KCNIP4: variants seen among roughly 807,000 people sequenced by gnomAD.
KCNIP4 encodes Kv channel-interacting protein 4.
In KCNIP4, 12 loss-of-function variants were observed where a neutral mutation model predicts 34.0. That is an observed-to-expected ratio of 0.35 (90% confidence interval 0.23 to 0.57). The LOEUF (loss-of-function observed/expected upper bound fraction) is 0.57. KCNIP4 is among the 20% of genes least tolerant of loss of function. The pLI is 0.83. For missense variants in KCNIP4, 238 were observed against 311.7 expected, an observed-to-expected ratio of 0.76 and a Z score of 1.78; for synonymous variants, 124 against 102.2, an observed-to-expected ratio of 1.21 and a Z score of -1.29.
At chr4:20,954,673 T>A (rs1482727057) in intron 1 of KCNIP4, among the ~76,000 whole-genome samples, 1 of 152,192 alleles carries the variant, frequency 6.6e-6, no homozygotes, top group Admixed American at 6.5e-5. Context: ...ATGCCCATAC[T>A]TCTGGCAGAT....
intron 1 of KCNIP4, among the ~76,000 whole-genome samples, chr4:21,385,560 A>G (rs963475183): frequency 6.6e-6 from 1 of 152,206 alleles, no homozygotes; most frequent in Non-Finnish European, 1.5e-5. Context: ...CTTAATCTCC[A>G]TAAGCGATCA....
intron 1 of KCNIP4, among the ~76,000 whole-genome samples, chr4:21,842,056 G>GT (rs1723719152): frequency 6.6e-6 from 1 of 152,108 alleles, no homozygotes; most frequent in East Asian, 1.9e-4. Context: ...GGCAGAACCT[G>GT]TAAGTGCTGA....
chr4:21,197,539 T>C (rs952285997), intron 1 of KCNIP4, among the ~76,000 whole-genome samples: 3 of 152,170 alleles, frequency 2.0e-5, no homozygotes, highest in African/African-American at 7.2e-5. Context: ...GACCAAGATT[T>C]CAGAGTCTGA....
intron 1 of KCNIP4, among the ~76,000 whole-genome samples, chr4:21,785,068 A>T (rs1287826302): frequency 6.6e-6 from 1 of 152,156 alleles, no homozygotes; most frequent in Non-Finnish European, 1.5e-5. Flanking sequence ...TACAGCAGTA[A>T]AGATTGGTTA....
At chr4:21,883,164 T>G (rs1423627014) in intron 1 of KCNIP4, among the ~76,000 whole-genome samples, 2 of 151,338 alleles carry the variant, frequency 1.3e-5, no homozygotes, top group South Asian at 2.1e-4. Context: ...TTGTTGTTTT[T>G]TTTTTTTTTT....
At chr4:20,997,867 C>T (rs1429791671) in intron 1 of KCNIP4, among the ~76,000 whole-genome samples, 1 of 152,160 alleles carries the variant, frequency 6.6e-6, no homozygotes, top group Non-Finnish European at 1.5e-5. Context: ...CTTGAAGGGC[C>T]ATACAGCTGC....
chr4:21,414,448 G>C (rs757179475), intron 1 of KCNIP4, among the ~76,000 whole-genome samples: 4 of 152,138 alleles, frequency 2.6e-5, no homozygotes, highest in Non-Finnish European at 5.9e-5. Context: ...GTTGACAAAG[G>C]TGTGGAGAAA....
chr4:21,536,838 T>C, intron 1 of KCNIP4, among the ~76,000 whole-genome samples: 2 of 151,988 alleles, frequency 1.3e-5, no homozygotes, highest in Non-Finnish European at 2.9e-5. Flanking sequence ...TATTAAAAAA[T>C]AAAGCAAACA....
At chr4:21,934,753 G>T (rs895480174) in intron 1 of KCNIP4, among the ~76,000 whole-genome samples, 1 of 152,022 alleles carries the variant, frequency 6.6e-6, no homozygotes, top group Non-Finnish European at 1.5e-5. Flanking sequence ...CAGAGTATAG[G>T]CTGTGGAGCC....
intron 1 of KCNIP4, among the ~76,000 whole-genome samples, chr4:21,153,557 T>C (rs1752923101): frequency 6.7e-6 from 1 of 149,512 alleles, no homozygotes. Flanking sequence ...TACTTGCTTT[T>C]CTATGAATTG....
intron 1 of KCNIP4, among the ~76,000 whole-genome samples, chr4:21,826,468 C>G (rs1722681538): frequency 6.6e-6 from 1 of 152,006 alleles, no homozygotes; most frequent in South Asian, 2.1e-4. Flanking sequence ...ATTTGTGTAT[C>G]ACTAAAACAG....
chr4:21,791,649 A>G (rs756035437), intron 1 of KCNIP4, among the ~76,000 whole-genome samples: 1 of 152,002 alleles, frequency 6.6e-6, no homozygotes, highest in Non-Finnish European at 1.5e-5. Context: ...GCTTTTTCCT[A>G]CTTTTATGGC....
At chr4:21,232,617 G>A (rs1758879708) in intron 1 of KCNIP4, among the ~76,000 whole-genome samples, 1 of 152,058 alleles carries the variant, frequency 6.6e-6, no homozygotes, top group Non-Finnish European at 1.5e-5. Flanking sequence ...ATAGATCTGG[G>A]ATTTAATTCA....
At chr4:21,682,390 C>T (rs1750434397) in intron 1 of KCNIP4, among the ~76,000 whole-genome samples, 1 of 152,120 alleles carries the variant, frequency 6.6e-6, no homozygotes. Context: ...CAGAGACTTC[C>T]TCTGGATTAG....
At chr4:21,536,021 G>T (rs1449091971) in intron 1 of KCNIP4, among the ~76,000 whole-genome samples, 1 of 152,068 alleles carries the variant, frequency 6.6e-6, no homozygotes, top group Non-Finnish European at 1.5e-5. Flanking sequence ...TGATATCATG[G>T]GCTGTCTGTC....
At chr4:21,608,255 CA>C (rs1231880577) in intron 1 of KCNIP4, among the ~76,000 whole-genome samples, 1 of 152,100 alleles carries the variant, frequency 6.6e-6, no homozygotes, top group Non-Finnish European at 1.5e-5. Flanking sequence ...TGGTCACTGC[CA>C]CGTCTTTATT....
At chr4:21,708,083 C>T (rs749279807) in intron 1 of KCNIP4, among the ~76,000 whole-genome samples, 1 of 152,040 alleles carries the variant, frequency 6.6e-6, no homozygotes, top group Non-Finnish European at 1.5e-5. Flanking sequence ...CACACTGGAA[C>T]ATAATATCAT....
intron 3 of KCNIP4, among the ~76,000 whole-genome samples, chr4:20,797,195 A>T (rs1273380322): frequency 6.6e-6 from 1 of 152,364 alleles, no homozygotes; most frequent in East Asian, 1.9e-4. Context: ...GGATTTTTCT[A>T]TCTGCTATAG....
intron 1 of KCNIP4, among the ~76,000 whole-genome samples, chr4:21,606,709 T>C (rs1205681346): frequency 6.6e-6 from 1 of 152,192 alleles, no homozygotes; most frequent in Non-Finnish European, 1.5e-5. Context: ...TTCTCCTGCC[T>C]CAGCCTCCCG....
Sources: allele counts gnomAD v4.1 joint callset (sites outside exome capture counted in the v4.1 genomes callset), GRCh38; gene constraint gnomAD v4.1.1; transcripts MANE v1.5; gene names NCBI Gene and HGNC (gene_info 2026-07-23, HGNC 2026-07-21).